Variants in TMEM131L observed in about 807,000 individuals in gnomAD.
TMEM131L encodes transmembrane protein 131-like.
In TMEM131L, 54 loss-of-function variants were observed where a neutral mutation model predicts 192.2. The observed-to-expected ratio is 0.28, with a 90% CI of 0.23 to 0.35. The LOEUF (loss-of-function observed/expected upper bound fraction) is 0.35, where lower values mean the gene tolerates loss of function less well. TMEM131L is among the 10% of genes least tolerant of loss of function. The probability of loss-of-function intolerance (pLI) is 1.00; values close to 1 mark genes in which losing one functional copy is unlikely to be tolerated. For synonymous variants in TMEM131L, 701 were observed against 704.9 expected (o/e 0.99, Z 0.09); for missense variants, 1,888 against 1,972.9 (o/e 0.96, Z 0.82).
intron 29 of TMEM131L, 46 bp downstream of exon 29, chr4:153,623,129 C>G (rs1322958311): frequency 2.0e-6 from 3 of 1,498,476 alleles, no homozygotes; most frequent in Non-Finnish European, 2.7e-6. Context: ...GCCCTTCCCT[C>G]TGCCCTCCCA....
At position 153,612,386 on chromosome 4, in the gene TMEM131L, A is replaced by G. The variant is rs1326273913; in HGVS notation, c.3553A>G (p.Ile1185Val). Residue 1185 changes from isoleucine (I) to valine (V), a missense_variant, in exon 26 of 35, where the codon ATA (isoleucine) becomes GTA (valine). Transcript: ENST00000409959. The part of the protein sequence containing the change: ...REDMFSEKQD[I>V]PFVEQEDPYR... Reference sequence around the variant, plus strand: ...AGACATGTTTTCTGAGAAACAGGACATACCTTTCGTAGAGGTCTGTATTTT... The same window carrying G: ...AGACATGTTTTCTGAGAAACAGGACGTACCTTTCGTAGAGGTCTGTATTTT... The G allele has an allele frequency of 3.1e-6, 5 of 1,594,216 alleles. No homozygotes were observed. Among genetic ancestry groups the G allele is most frequent in the East Asian group, 2.3e-5 (1 of 44,394 alleles).
Position 153,635,458 on chromosome 4 carries a change from C to G in TMEM131L, c.4444C>G (p.Pro1482Ala). 2 of 1,613,996 alleles carry G rather than the reference C, an allele frequency of 1.2e-6. No individual in the cohort carries two copies. The highest frequency in any genetic ancestry group is 1.7e-6 in the Non-Finnish European group (2 of 1,179,866). The change falls in exon 34 of 35, where the codon CCC becomes GCC. Residue 1482 changes from proline (P) to alanine (A), a missense_variant. Physicochemically the swap from Pro to Ala is conservative, Grantham distance 27 (BLOSUM62 -1). Transcript: ENST00000409959. ...AAACATGAACTATGCCAATGGCTTC[C>G]CCTGTCCTGCAGATGTTCAGACAGA... ...EENMNYANGF[P>A]CPADVQTDFI...
rs1263652119 is a variant in TMEM131L at position 153,586,392 on chromosome 4, A to G, written c.1482+13A>G. 8 of 1,569,112 alleles carry G rather than the reference A, an allele frequency of 5.1e-6. No homozygotes were observed. The highest frequency in any genetic ancestry group is 2.7e-5 in the African/African-American group (2 of 72,754). On this transcript the variant is annotated intron_variant, in intron 14 of 34. Transcript: ENST00000409959. ...AGCACCAACCAAGGTATTTTCTACA[A>G]TACTATATGTGTGTTACAGTTTTCT...
At chr4:153,587,607 A>T (rs1730782751) in intron 14 of TMEM131L, 135 bp from the exon 15 acceptor site, 3 of 702,382 alleles carry the variant, frequency 4.3e-6, no homozygotes, top group Non-Finnish European at 2.6e-6. Flanking sequence ...TAACAATTAG[A>T]AAGTAATTTT....
chr4:153,482,272 C>A (rs1035303492), intron 3 of TMEM131L, among the ~76,000 whole-genome samples: 3 of 152,102 alleles, frequency 2.0e-5, no homozygotes, highest in African/African-American at 7.2e-5. Flanking sequence ...GGGAGCTTTG[C>A]AGAATGAATG....
intron 4 of TMEM131L, among the ~76,000 whole-genome samples, chr4:153,553,786 A>C (rs1265792494): frequency 6.6e-6 from 1 of 152,210 alleles, no homozygotes; most frequent in East Asian, 1.9e-4. Flanking sequence ...CCTGAGATAA[A>C]AAGTGCTAAT....
At chr4:153,584,027 T>A (rs1730537704) in intron 11 of TMEM131L, among the ~76,000 whole-genome samples, 1 of 152,224 alleles carries the variant, frequency 6.6e-6, no homozygotes, top group Non-Finnish European at 1.5e-5. Flanking sequence ...TACTCTTTGA[T>A]CCTTAATTCT....
intron 3 of TMEM131L, among the ~76,000 whole-genome samples, chr4:153,514,228 A>C (rs1734553409): frequency 6.6e-6 from 1 of 152,160 alleles, no homozygotes; most frequent in Admixed American, 6.5e-5. Context: ...GATTGTTGAG[A>C]AGGCTTAGTG....
chr4:153,483,160 C>T (rs1051964695), intron 3 of TMEM131L, among the ~76,000 whole-genome samples: 3 of 152,268 alleles, frequency 2.0e-5, no homozygotes, highest in Admixed American at 6.5e-5. Context: ...GGATATTATA[C>T]GTAAATGTAG....
chr4:153,583,799 G>C, intron 11 of TMEM131L, 127 bp downstream of exon 11: 1 of 633,680 alleles, frequency 1.6e-6, no homozygotes, highest in East Asian at 2.7e-5. Context: ...ATTTCAAGAA[G>C]TCCCAGCCTT....
chr4:153,589,420 GCTA>G (rs1730919869), intron 16 of TMEM131L, among the ~76,000 whole-genome samples: 1 of 152,114 alleles, frequency 6.6e-6, no homozygotes, highest in African/African-American at 2.4e-5. Context: ...GACTGAGATG[GCTA>G]CTAAGTGACT....
rs190504432 is a variant in TMEM131L, at chr4:153,569,681, C to A, written c.661-11145C>A. The stretch of plus-strand genomic sequence containing the variant: ...AGTGACTGTAGCCAAGTTACCTAAT[C>A]TCCCTGTGTCTCAGTTTATCTGTAA... On this transcript the variant is annotated intron_variant, in intron 7 of 34. Coordinates refer to ENST00000409959, the MANE Select transcript of TMEM131L (RefSeq NM_001131007.2). Among the ~76,000 whole-genome samples the A allele has an allele frequency of 4.6e-4, 70 of 152,364 alleles. No individual in the cohort carries two copies. In the East Asian group the frequency reaches 0.012, roughly 26 times the overall value.
intron 14 of TMEM131L, 127 bp downstream of exon 14, chr4:153,586,506 A>G: frequency 9.9e-6 from 6 of 605,522 alleles, no homozygotes; most frequent in South Asian, 2.5e-5. Context: ...AAACTGAAGG[A>G]TATTACCAGG....
At chr4:153,564,133 A>G (rs1729033251) in intron 7 of TMEM131L, among the ~76,000 whole-genome samples, 1 of 151,922 alleles carries the variant, frequency 6.6e-6, no homozygotes, top group African/African-American at 2.4e-5. Flanking sequence ...TACTAAAAAT[A>G]CAAAAATTAG....
At chr4:153,624,101 TCA>T (rs1733649254) in intron 29 of TMEM131L, among the ~76,000 whole-genome samples, 1 of 138,572 alleles carries the variant, frequency 7.2e-6, no homozygotes, top group South Asian at 2.4e-4. Flanking sequence ...CTCTTTTCAC[TCA>T]GTTTTTTTTT....
At chr4:153,505,185 C>T (rs1733906359) in intron 3 of TMEM131L, among the ~76,000 whole-genome samples, 1 of 151,316 alleles carries the variant, frequency 6.6e-6, no homozygotes, top group Admixed American at 6.6e-5. Context: ...CGGCTCACTG[C>T]AACCTCTGCC....
At chr4:153,604,934 C>T (rs1348338734) in intron 25 of TMEM131L, among the ~76,000 whole-genome samples, 1 of 152,108 alleles carries the variant, frequency 6.6e-6, no homozygotes, top group Non-Finnish European at 1.5e-5. Context: ...CAGACTCCGA[C>T]CTCAAGTGAT....
chr4:153,544,763 T>A (rs1737047062), intron 3 of TMEM131L, among the ~76,000 whole-genome samples: 1 of 152,216 alleles, frequency 6.6e-6, no homozygotes, highest in Admixed American at 6.5e-5. Flanking sequence ...CTCTTCTGTT[T>A]TTGGACTCTC....
chr4:153,577,010 T>C (rs1729995177), intron 7 of TMEM131L, among the ~76,000 whole-genome samples: 1 of 152,112 alleles, frequency 6.6e-6, no homozygotes, highest in African/African-American at 2.4e-5. Flanking sequence ...CATGTTGTTG[T>C]GAGAAGTGTT....
Sources: gnomAD v4.1 joint callset for allele counts (sites outside exome capture counted in the v4.1 genomes callset) on GRCh38, gnomAD v4.1.1 for gene constraint, MANE v1.5 for transcripts, NCBI Gene and HGNC (gene_info 2026-07-23, HGNC 2026-07-21) for gene names.